The following CACNA2D3 variants were observed in gnomAD, a reference collection of about 807,000 sequenced individuals.
CACNA2D3 encodes calcium voltage-gated channel auxiliary subunit alpha2delta 3.
In CACNA2D3, 60 loss-of-function variants were observed where a neutral mutation model predicts 160.6. The observed-to-expected ratio is 0.37, with a 90% CI of 0.30 to 0.46. CACNA2D3 has a LOEUF of 0.46. CACNA2D3 is among the 20% of genes least tolerant of loss of function. The pLI is 1.00. For synonymous variants in CACNA2D3, 558 were observed against 492.9 expected, an observed-to-expected ratio of 1.13 and a Z score of -1.75; for missense variants, 1,205 against 1,365.0, an observed-to-expected ratio of 0.88 and a Z score of 1.85.
intron 9 of CACNA2D3, among the ~76,000 whole-genome samples, chr3:54,588,352 A>G (rs1311764995): frequency 6.6e-6 from 1 of 152,222 alleles, no homozygotes; most frequent in African/African-American, 2.4e-5. Flanking sequence ...AGAAACCTAC[A>G]GGTAACATCA....
At chr3:54,915,110 A>G (rs551255712) in intron 27 of CACNA2D3, among the ~76,000 whole-genome samples, 3 of 152,332 alleles carry the variant, frequency 2.0e-5, no homozygotes, top group South Asian at 2.1e-4. Flanking sequence ...TGCCATTTTT[A>G]TAAGGAAAAA....
chr3:54,862,586 G>C lies in CACNA2D3; in HGVS notation c.1627-8953G>C, dbSNP rs112676192. ...TTGCCAGCTTCCTGCCCTGCTTGTC[G>C]TTTAGCATAAAAACCTGAAGTTGAA... On this transcript the variant is annotated intron_variant, in intron 17 of 37. Transcript: ENST00000474759. Among the ~76,000 whole-genome samples the C allele has an allele frequency of 3.1e-3, 475 of 152,164 alleles. 2 individuals carry two copies. The highest frequency in any genetic ancestry group is 4.2e-3 in the Non-Finnish European group (287 of 68,012).
chr3:54,939,365 C>T (rs1319408258), intron 27 of CACNA2D3, among the ~76,000 whole-genome samples: 2 of 152,198 alleles, frequency 1.3e-5, no homozygotes, highest in Admixed American at 6.5e-5. Flanking sequence ...CCTCATCTGC[C>T]GGACTTCAAA....
intron 2 of CACNA2D3, among the ~76,000 whole-genome samples, chr3:54,272,051 G>C (rs1002426448): frequency 2.0e-5 from 3 of 152,168 alleles, no homozygotes; most frequent in Admixed American, 6.5e-5. Context: ...GGGAAGAGAG[G>C]ACTGGAAGTT....
At chr3:54,767,958 G>A (rs765273905) in intron 13 of CACNA2D3, among the ~76,000 whole-genome samples, 1 of 152,154 alleles carries the variant, frequency 6.6e-6, no homozygotes, top group African/African-American at 2.4e-5. Flanking sequence ...CAGTGGGTGA[G>A]AAGAGTGCAG....
At chr3:54,910,512 A>G (rs1169263359) in intron 27 of CACNA2D3, among the ~76,000 whole-genome samples, 1 of 152,044 alleles carries the variant, frequency 6.6e-6, no homozygotes, top group Non-Finnish European at 1.5e-5. Context: ...TTTCTCCTTG[A>G]AGTTTCCCTT....
At chr3:54,403,356 AACACACACACACACACACACAC>A (rs55779518) in intron 4 of CACNA2D3, among the ~76,000 whole-genome samples, 1 of 137,602 alleles carries the variant, frequency 7.3e-6, no homozygotes, top group Non-Finnish European at 1.6e-5. Context: ...CCCTATCTCA[AACACACACACACACACACACAC>A]ACACACACAC....
chr3:55,030,655 A>G (rs773680874), intron 35 of CACNA2D3, among the ~76,000 whole-genome samples: 3 of 152,212 alleles, frequency 2.0e-5, no homozygotes, highest in Non-Finnish European at 4.4e-5. Context: ...TTTTTCTACC[A>G]ATCCCTCTGA....
chr3:54,415,407 T>G (rs1367190754), intron 4 of CACNA2D3, among the ~76,000 whole-genome samples: 1 of 152,224 alleles, frequency 6.6e-6, no homozygotes, highest in Non-Finnish European at 1.5e-5. Flanking sequence ...TTAATTTACC[T>G]GATAGGAATT....
intron 9 of CACNA2D3, among the ~76,000 whole-genome samples, chr3:54,600,907 A>G (rs912620082): frequency 6.6e-6 from 1 of 151,618 alleles, no homozygotes; most frequent in Non-Finnish European, 1.5e-5. Flanking sequence ...TTGCCCAGAC[A>G]TTTCTTCAAT....
At chr3:54,989,211 T>C (rs914430447) in intron 31 of CACNA2D3, among the ~76,000 whole-genome samples, 22 of 152,224 alleles carry the variant, frequency 1.4e-4, no homozygotes, top group Non-Finnish European at 5.9e-5. Context: ...TGAAAGCACA[T>C]TTTTCAACTT....
chr3:54,797,170 G>A (rs1285104364), intron 13 of CACNA2D3, among the ~76,000 whole-genome samples: 3 of 152,158 alleles, frequency 2.0e-5, no homozygotes, highest in Admixed American at 2.0e-4. Flanking sequence ...AAGCTAAAGT[G>A]ACATTGTGTC....
At chr3:54,656,975 A>G (rs6798481) in intron 11 of CACNA2D3, among the ~76,000 whole-genome samples, 24,262 of 151,934 alleles carry the variant, frequency 0.16, 2,090 homozygotes, top group South Asian at 0.27. Flanking sequence ...ACCTGGGTGC[A>G]GGTGGGCTGA....
chr3:54,590,545 A>G (rs372949358), intron 9 of CACNA2D3, among the ~76,000 whole-genome samples: 5 of 152,190 alleles, frequency 3.3e-5, no homozygotes, highest in African/African-American at 4.8e-5. Context: ...GTTATGCTGT[A>G]GTTTGTAACA....
At position 54,642,281 on chromosome 3, in the gene CACNA2D3, G is replaced by A. The variant is rs374235500; in HGVS notation, c.1167+40G>A. 261 of 1,215,932 alleles carry A rather than the reference G, an allele frequency of 2.1e-4. 1 individual carries two copies. The African/African-American group carries it at 3.5e-3, about 16-fold the overall frequency. 75.3% of individuals were successfully genotyped at this position (1,215,932 alleles called of 1,614,324 possible). On this transcript the variant is annotated intron_variant, in intron 11 of 37. Transcript: ENST00000474759. The stretch of plus-strand genomic sequence containing the variant: ...ATCCCGTCTGTGCGGTGGACTCCTT[G>A]AGAATCTTTACTGTAATCTCCAGCT...
At chr3:54,344,082 A>G (rs1326824481) in intron 3 of CACNA2D3, among the ~76,000 whole-genome samples, 2 of 152,212 alleles carry the variant, frequency 1.3e-5, no homozygotes, top group African/African-American at 4.8e-5. Context: ...TTATCTCACC[A>G]TGTCACAGAT....
intron 2 of CACNA2D3, among the ~76,000 whole-genome samples, chr3:54,191,049 A>G (rs1700971162): frequency 1.3e-5 from 1 of 74,676 alleles, no homozygotes; most frequent in African/African-American, 5.9e-5. Context: ...GGTGGAAGCA[A>G]AAAAAAAAAA....
chr3:54,376,482 G>A (rs1357749844), intron 3 of CACNA2D3, among the ~76,000 whole-genome samples: 1 of 152,180 alleles, frequency 6.6e-6, no homozygotes, highest in African/African-American at 2.4e-5. Context: ...AGGATTTGCT[G>A]GATTCAATGA....
At chr3:55,051,946 G>A (rs905464724) in intron 35 of CACNA2D3, among the ~76,000 whole-genome samples, 2 of 152,168 alleles carry the variant, frequency 1.3e-5, no homozygotes, top group Non-Finnish European at 2.9e-5. Context: ...GTGAGGCAAT[G>A]CCTCGCCCTG....
Sources: allele counts gnomAD v4.1 joint callset (sites outside exome capture counted in the v4.1 genomes callset), GRCh38; gene constraint gnomAD v4.1.1; transcripts MANE v1.5; gene names NCBI Gene and HGNC (gene_info 2026-07-23, HGNC 2026-07-21).